KPNA3: variants seen among roughly 807,000 people sequenced by gnomAD.
The protein encoded by KPNA3 is karyopherin subunit alpha 3, also known as importin subunit alpha-4.
In KPNA3, 13 loss-of-function variants were observed where a neutral mutation model predicts 73.8. The observed-to-expected ratio is 0.18, with a 90% confidence interval of 0.11 to 0.28. The LOEUF is 0.28. Ranked by LOEUF, KPNA3 falls within the 10% of genes least tolerant of loss-of-function variation. KPNA3 has a pLI of 1.00. For missense variants in KPNA3, 360 were observed against 618.1 expected, an observed-to-expected ratio of 0.58 and a Z score of 4.43; for synonymous variants, 186 against 206.9, an observed-to-expected ratio of 0.90 and a Z score of 0.87.
intron 1 of KPNA3, among the ~76,000 whole-genome samples, chr13:49,791,710 T>C (rs1566365732): frequency 6.8e-6 from 1 of 147,238 alleles, no homozygotes; most frequent in Non-Finnish European, 1.5e-5. Flanking sequence ...AGCAACCTCT[T>C]TTCCGAAGCC....
At chr13:49,784,958 G>C (rs1470121488) in intron 1 of KPNA3, among the ~76,000 whole-genome samples, 1 of 152,128 alleles carries the variant, frequency 6.6e-6, no homozygotes, top group Admixed American at 6.6e-5. Context: ...CAGGAGCAAA[G>C]AATGGTACCT....
intron 10 of KPNA3, among the ~76,000 whole-genome samples, chr13:49,711,832 T>C (rs1287435403): frequency 1.3e-5 from 2 of 152,174 alleles, no homozygotes; most frequent in Non-Finnish European, 2.9e-5. Flanking sequence ...TGAATTCACA[T>C]ACCCTTCAAA....
rs1954182463 is a variant in KPNA3, at chr13:49,704,424, AAATAAAT to A, written c.1372+1190_1372+1196del. ...CGAAACTCTGTCTCAAAAAAAAAATAAATAAATAAAAAATAAATAAATAAATAAATAA... is the reference window on the plus strand; with the variant it reads ...CGAAACTCTGTCTCAAAAAAAAAATAAAAAAATAAATAAATAAATAAATAA... On this transcript the variant is annotated intron_variant, in intron 15 of 16. Coordinates refer to ENST00000261667, the MANE Select transcript of KPNA3 (RefSeq NM_002267.4). 2.0e-5 allele frequency among the ~76,000 whole-genome samples: 2 copies of A among 101,368 alleles called. 1 individual carries two copies. Among genetic ancestry groups the A allele is most frequent in the South Asian group, 8.3e-4 (2 of 2,422 alleles). 66.5% of individuals were successfully genotyped at this position (101,368 alleles called of 152,430 possible). A position where few individuals can be genotyped will look rare whatever the true frequency, so the allele number is the denominator to read the frequency against.
chr13:49,737,835 G>A (rs749946109), intron 2 of KPNA3, among the ~76,000 whole-genome samples: 4 of 152,072 alleles, frequency 2.6e-5, no homozygotes, highest in Admixed American at 2.6e-4. Context: ...TACTGAATAC[G>A]TGGTTTAACA....
At chr13:49,745,987 C>T (rs1453286485) in intron 2 of KPNA3, among the ~76,000 whole-genome samples, 6 of 148,710 alleles carry the variant, frequency 4.0e-5, no homozygotes, top group Admixed American at 1.4e-4. Context: ...GGCATGAACC[C>T]GGGAGGCGGA....
chr13:49,741,035 T>C (rs947632715), intron 2 of KPNA3, among the ~76,000 whole-genome samples: 1 of 152,188 alleles, frequency 6.6e-6, no homozygotes, highest in Non-Finnish European at 1.5e-5. Flanking sequence ...ATTTTCTTTT[T>C]CTATTTGTCT....
At chr13:49,721,512 C>T (rs961880791) in intron 9 of KPNA3, among the ~76,000 whole-genome samples, 2 of 151,992 alleles carry the variant, frequency 1.3e-5, no homozygotes, top group Non-Finnish European at 2.9e-5. Flanking sequence ...AAATATGGTA[C>T]GTTACTTTTA....
intron 1 of KPNA3, 61 bp from the exon 2 acceptor site, chr13:49,747,054 G>T: frequency 1.6e-6 from 2 of 1,276,852 alleles, no homozygotes; most frequent in Non-Finnish European, 1.1e-6. Flanking sequence ...AGTATATAAA[G>T]ATCTCAGCTG....
chr13:49,746,301 T>G (rs1457241255), intron 2 of KPNA3, among the ~76,000 whole-genome samples: 1 of 151,868 alleles, frequency 6.6e-6, no homozygotes, highest in African/African-American at 2.4e-5. Flanking sequence ...TAAACAAAAA[T>G]TAGCTGGGTG....
At chr13:49,733,166 A>G in intron 2 of KPNA3, 120 bp from the exon 3 acceptor site, 1 of 686,934 alleles carries the variant, frequency 1.5e-6, no homozygotes, top group Middle Eastern at 2.7e-4. Flanking sequence ...CATAAGGATA[A>G]TATGAATTAA....
intron 11 of KPNA3, among the ~76,000 whole-genome samples, chr13:49,710,304 A>G (rs1260126868): frequency 6.6e-6 from 1 of 152,178 alleles, no homozygotes; most frequent in African/African-American, 2.4e-5. Flanking sequence ...GAATGGGCAC[A>G]CACTTCCACC....
Position 49,701,953 on chromosome 13 carries a change from G to C in KPNA3, c.1468-55C>G, listed in dbSNP as rs997738495. ...AGGTTATGATACTATACATTATGAT[G>C]TAAGTGGAATTGACTTTTTACCTCT... is the stretch of plus-strand genomic sequence containing the variant. On this transcript the variant is annotated intron_variant, in intron 16 of 16. Transcript: ENST00000261667. 2.5e-6 allele frequency: 3 copies of C among 1,198,102 alleles called. No individual in the cohort carries two copies. In the African/African-American group the frequency reaches 4.6e-5, roughly 18 times the overall value. 74.2% of individuals were successfully genotyped at this position (1,198,102 alleles called of 1,614,324 possible).
At chr13:49,783,695 T>C (rs1201327831) in intron 1 of KPNA3, among the ~76,000 whole-genome samples, 2 of 152,218 alleles carry the variant, frequency 1.3e-5, no homozygotes, top group Non-Finnish European at 2.9e-5. Flanking sequence ...CTTTACTGGA[T>C]ACCAAGAAGT....
At chr13:49,741,800 T>C (rs537360308) in intron 2 of KPNA3, among the ~76,000 whole-genome samples, 4 of 152,374 alleles carry the variant, frequency 2.6e-5, no homozygotes, top group African/African-American at 7.2e-5. Flanking sequence ...GAGTTCATTA[T>C]ATATAACCCC....
chr13:49,762,188 C>T (rs1455582964), intron 1 of KPNA3, among the ~76,000 whole-genome samples: 4 of 137,926 alleles, frequency 2.9e-5, no homozygotes, highest in East Asian at 3.1e-4. Context: ...CCGCCTCGTC[C>T]GGGAGGGAGG....
At chr13:49,715,932 C>A (rs1282090342) in intron 10 of KPNA3, among the ~76,000 whole-genome samples, 1 of 152,158 alleles carries the variant, frequency 6.6e-6, no homozygotes, top group Non-Finnish European at 1.5e-5. Context: ...GTCCACAAAA[C>A]AGAATCCTGT....
At chr13:49,758,426 C>T (rs189789004) in intron 1 of KPNA3, among the ~76,000 whole-genome samples, 1 of 152,206 alleles carries the variant, frequency 6.6e-6, no homozygotes, top group East Asian at 1.9e-4. Context: ...CTCCAGTTAA[C>T]CCTAAAGAGA....
chr13:49,780,881 C>T (rs1381970497), intron 1 of KPNA3, among the ~76,000 whole-genome samples: 2 of 151,842 alleles, frequency 1.3e-5, no homozygotes, highest in South Asian at 4.2e-4. Flanking sequence ...CCACCACACC[C>T]GGCTAATTAT....
In KPNA3 at chr13:49,743,587, A is replaced by G. The variant is rs79242494; in HGVS notation, c.114+3362T>C. ...AGGAAATAATGTTAGCCAAAAAAAA[A>G]AAAAAGAAAGGGGTCTCTAAGGCAA... On this transcript the variant is annotated intron_variant, in intron 2 of 16. Transcript: ENST00000261667. Among the ~76,000 whole-genome samples, 1,009 of 152,176 alleles carry G rather than the reference A, an allele frequency of 6.6e-3. 6 individuals are homozygous for G. Among genetic ancestry groups the G allele is most frequent in the Middle Eastern group, 0.014 (4 of 294 alleles).
Sources: gnomAD v4.1 joint callset for allele counts (sites outside exome capture counted in the v4.1 genomes callset) on GRCh38, gnomAD v4.1.1 for gene constraint, MANE v1.5 for transcripts, NCBI Gene and HGNC (gene_info 2026-07-23, HGNC 2026-07-21) for gene names.